Variants in DNM1L observed in about 807,000 individuals in gnomAD.
The protein encoded by DNM1L is dynamin-1-like protein.
DNM1L carries 33 observed loss-of-function variants against 92.8 expected under a neutral mutation model. The observed-to-expected ratio is 0.36, with a 90% CI of 0.27 to 0.48. DNM1L has a LOEUF of 0.48. DNM1L is among the 20% of genes least tolerant of loss of function. The probability of loss-of-function intolerance (pLI) is 0.99; values close to 1 mark genes in which losing one functional copy is unlikely to be tolerated. For missense variants in DNM1L, 485 were observed against 888.8 expected (o/e 0.55, Z 5.78); for synonymous variants, 284 against 305.0 (o/e 0.93, Z 0.72).
intron 6 of DNM1L, among the ~76,000 whole-genome samples, chr12:32,716,606 A>G (rs1468709746): frequency 6.6e-6 from 1 of 152,042 alleles, no homozygotes. Context: ...GGCATGGGCC[A>G]TATCACCTGG....
chr12:32,679,643 G>T (rs1281022132), intron 1 of DNM1L, 178 bp downstream of exon 1: 4 of 1,322,362 alleles, frequency 3.0e-6, no homozygotes, highest in Non-Finnish European at 1.9e-6. Context: ...CCGCCCTCCC[G>T]GGGCAGCGTT....
intron 6 of DNM1L, 75 bp downstream of exon 6, chr12:32,713,446 C>G: frequency 6.7e-7 from 1 of 1,503,564 alleles, no homozygotes; most frequent in Non-Finnish European, 9.2e-7. Context: ...GAATTTTTCT[C>G]TTTAAAAACA....
chr12:32,692,690 C>T (rs770950428), intron 1 of DNM1L: 7 of 152,252 alleles, frequency 4.6e-5, no homozygotes, highest in Non-Finnish European at 1.0e-4. Context: ...ACAGTGCTAC[C>T]AAACTCCACA....
intron 7 of DNM1L, among the ~76,000 whole-genome samples, chr12:32,719,543 T>G (rs1278025247): frequency 6.6e-6 from 1 of 151,888 alleles, no homozygotes; most frequent in African/African-American, 2.4e-5. Flanking sequence ...TAGTTGGTAT[T>G]AAAAACTGGG....
At chr12:32,733,378 G>T in intron 12 of DNM1L, 1 of 250,568 alleles carries the variant, frequency 4.0e-6, no homozygotes. Context: ...ATGATCTGAA[G>T]TTTTAATAGC....
chr12:32,723,397 C>G (rs10844319), intron 9 of DNM1L, among the ~76,000 whole-genome samples: 21,513 of 152,074 alleles, frequency 0.14, 1,565 homozygotes, highest in Middle Eastern at 0.19. Context: ...TACCTCAGTT[C>G]GTTAAAAATG....
intron 7 of DNM1L, 117 bp downstream of exon 7, chr12:32,718,880 T>C (rs1417052996): frequency 1.5e-6 from 2 of 1,376,452 alleles, no homozygotes; most frequent in Non-Finnish European, 2.1e-6. Context: ...TGCTGTACTA[T>C]ATTTTTTCTC....
rs1277764293 is a variant in DNM1L at position 32,745,371 on chromosome 12, G to A, written c.*1961G>A. ...AAAATTAAAGACATGCTATGGTAATGCACTTGCTAGTACTACACACTTTGT... is the reference window on the plus strand; with the variant it reads ...AAAATTAAAGACATGCTATGGTAATACACTTGCTAGTACTACACACTTTGT... On this transcript the variant is annotated 3_prime_UTR_variant, in exon 20 of 20. Transcript: ENST00000549701. 5 of 223,136 alleles carry A rather than the reference G, an allele frequency of 2.2e-5. No individual in the cohort carries two copies. The East Asian group carries it at 5.9e-4, about 26-fold the overall frequency. 13.8% of individuals were successfully genotyped at this position (223,136 alleles called of 1,614,324 possible).
Position 32,731,113 on chromosome 12 carries a change from G to T in DNM1L, c.1179G>T (p.Leu393Phe). The T allele has an allele frequency of 6.2e-7, 1 of 1,613,836 alleles. No individual in the cohort carries two copies. Among genetic ancestry groups the T allele is most frequent in the South Asian group, 1.1e-5 (1 of 91,000 alleles). The change falls in exon 10 of 20, where the codon TTG becomes TTT. Residue 393 changes from leucine (L) to phenylalanine (F), a missense_variant. Physicochemically the swap from Leu to Phe is conservative, Grantham distance 22 (BLOSUM62 0). Transcript: ENST00000549701. This position sits in a 1 kb window ranked among gnomAD's most constrained non-coding sequence, Gnocchi z 5.1. Reference sequence around the variant, plus strand: ...GTGGCCTTAACACTATTGACATTTTGACTGCCATTAGAAATGCTACTGTGA... The same window carrying T: ...GTGGCCTTAACACTATTGACATTTTTACTGCCATTAGAAATGCTACTGTGA... ...PLGGLNTIDI[L>F]TAIRNATGPR...
chr12:32,716,393 G>C (rs1272577764), intron 6 of DNM1L, among the ~76,000 whole-genome samples: 1 of 152,090 alleles, frequency 6.6e-6, no homozygotes, highest in Non-Finnish European at 1.5e-5. Flanking sequence ...GGAGTGCAGT[G>C]GTGCAATCAC....
At chr12:32,702,710 A>T (rs1463586574) in intron 2 of DNM1L, among the ~76,000 whole-genome samples, 2 of 152,050 alleles carry the variant, frequency 1.3e-5, no homozygotes, top group African/African-American at 4.8e-5. Flanking sequence ...GGGAAAAAAA[A>T]CCTCATGAGC....
intron 7 of DNM1L, among the ~76,000 whole-genome samples, chr12:32,719,036 C>G (rs1953682454): frequency 1.3e-5 from 2 of 151,412 alleles, no homozygotes. Context: ...ATTGTAGCAT[C>G]AACCTCTGGG....
rs747496322 is a variant in DNM1L, at chr12:32,740,493, A to G, written c.1969A>G (p.Ile657Val). 6.2e-7 allele frequency: 1 copy of G among 1,611,800 alleles called. No individual in the cohort carries two copies. The highest frequency in any genetic ancestry group is 1.7e-5 in the Admixed American group (1 of 59,988). The change falls in exon 18 of 20, where the codon ATT becomes GTT. Residue 657 changes from isoleucine to valine, a missense_variant. Physicochemically the swap from Ile to Val is conservative, Grantham distance 29. This residue lies in a region of DNM1L where 133 missense variants were observed against 210.9 expected (regional missense o/e 0.63). Transcript: ENST00000549701. ...ACGACTCATTAAATCATATTTTCTCATTGTCAGAAAGAATATTCAAGACAG... is the reference window on the plus strand; with the variant it reads ...ACGACTCATTAAATCATATTTTCTCGTTGTCAGAAAGAATATTCAAGACAG... ...IERLIKSYFLIVRKNIQDSVP... is the reference protein window; with the variant it reads ...IERLIKSYFLVVRKNIQDSVP...
chr12:32,727,568 T>C (rs543975450), intron 9 of DNM1L: 1 of 526,204 alleles, frequency 1.9e-6, no homozygotes, highest in African/African-American at 1.9e-5. Context: ...CCTGAGATAA[T>C]TCCTAAAATT....
chr12:32,696,756 C>T (rs933853656), intron 1 of DNM1L, among the ~76,000 whole-genome samples: 1 of 151,494 alleles, frequency 6.6e-6, no homozygotes, highest in Non-Finnish European at 1.5e-5. Context: ...TCCTGAGTAG[C>T]TGGGATTGCA....
intron 6 of DNM1L, among the ~76,000 whole-genome samples, chr12:32,717,202 T>C (rs1953435761): frequency 8.6e-6 from 1 of 116,034 alleles, no homozygotes; most frequent in Non-Finnish European, 1.7e-5. Context: ...TATATATTTA[T>C]ATATACTATA....
intron 5 of DNM1L, chr12:32,711,325 T>G (rs2137360995): frequency 3.2e-6 from 1 of 313,992 alleles, no homozygotes; most frequent in South Asian, 3.7e-5. Flanking sequence ...TAGGTACACT[T>G]TCCCTTTGAT....
At chr12:32,691,826 G>T (rs1221906132) in intron 1 of DNM1L, among the ~76,000 whole-genome samples, 2 of 152,132 alleles carry the variant, frequency 1.3e-5, no homozygotes, top group Non-Finnish European at 2.9e-5. Context: ...ACAGATAAAA[G>T]ACAAAAGTTC....
rs762644536 is a variant in DNM1L at position 32,731,003 on chromosome 12, T to C, written c.1080-11T>C. ...GCAATGCCAGAAACCATATACTTCATTGCCTTTCAGATGCGGTGGTGCTAG... is the reference window on the plus strand; with the variant it reads ...GCAATGCCAGAAACCATATACTTCACTGCCTTTCAGATGCGGTGGTGCTAG... On this transcript the variant is annotated splice_polypyrimidine_tract_variant and intron_variant, in intron 9 of 19. Coordinates refer to ENST00000549701, the MANE Select transcript of DNM1L (RefSeq NM_012062.5). This position sits in a 1 kb window ranked among gnomAD's most constrained non-coding sequence, Gnocchi z 5.1. 1.2e-6 allele frequency: 2 copies of C among 1,613,784 alleles called. No homozygotes were observed. The highest frequency in any genetic ancestry group is 1.1e-5 in the South Asian group (1 of 91,074).
Sources: gnomAD v4.1 joint callset for allele counts (sites outside exome capture counted in the v4.1 genomes callset) on GRCh38, gnomAD v4.1.1 for gene constraint, gnomAD v4.1.1 regional missense constraint, Gnocchi (gnomAD v3.1) non-coding constraint, MANE v1.5 for transcripts, NCBI Gene and HGNC (gene_info 2026-07-23, HGNC 2026-07-21) for gene names.